The following SIGLEC6 variants were observed in gnomAD, a reference collection of about 807,000 sequenced individuals.
The protein encoded by SIGLEC6 is sialic acid-binding Ig-like lectin 6.
In SIGLEC6, 31 loss-of-function variants were observed where a neutral mutation model predicts 41.4. The ratio of observed to expected loss-of-function variants is 0.75; its 90% CI spans 0.56 to 1.01. The LOEUF is 1.01. Ranked by LOEUF, SIGLEC6 falls within the 50% of genes least tolerant of loss-of-function variation. SIGLEC6 has a pLI of 0.00. For missense variants in SIGLEC6, 555 were observed against 558.6 expected, an observed-to-expected ratio of 0.99 and a Z score of 0.06; for synonymous variants, 217 against 231.0, an observed-to-expected ratio of 0.94 and a Z score of 0.55.
intron 7 of SIGLEC6, among the ~76,000 whole-genome samples, chr19:51,525,845 T>G (rs951533282): frequency 6.6e-6 from 1 of 151,866 alleles, no homozygotes; most frequent in African/African-American, 2.4e-5. Context: ...GGGGTGGAGC[T>G]CTCAGAGCAG....
At chr19:51,523,635 G>C (rs541497243) in intron 7 of SIGLEC6, among the ~76,000 whole-genome samples, 272 of 152,256 alleles carry the variant, frequency 1.8e-3, no homozygotes, top group African/African-American at 6.1e-3. Flanking sequence ...GATGGAACTG[G>C]GTAAACCAAA....
chr19:51,519,951 A>C lies in SIGLEC6; in HGVS notation c.*131T>G. ...CTTGTTCTCAGACCTCTAACATCTG[A>C]AACTATACGAAAATAAAGTTCTGTG... On this transcript the variant is annotated 3_prime_UTR_variant, in exon 8 of 8. Coordinates refer to ENST00000425629, the MANE Select transcript of SIGLEC6 (RefSeq NM_001245.7). The C allele has an allele frequency of 1.2e-6, 1 of 806,012 alleles. No homozygotes were observed. Among genetic ancestry groups the C allele is most frequent in the Non-Finnish European group, 1.8e-6 (1 of 547,890 alleles). The allele number at this position is 806,012 out of a possible 1,614,324, so 49.9% of individuals were successfully genotyped here.
At chr19:51,523,256 G>A (rs75518097) in intron 7 of SIGLEC6, among the ~76,000 whole-genome samples, 14,253 of 152,124 alleles carry the variant, frequency 0.094, 866 homozygotes, top group African/African-American at 0.16. Context: ...ACTAAAAAAC[G>A]TAGCAATAAA....
chr19:51,524,994 G>A (rs149741507), intron 7 of SIGLEC6, among the ~76,000 whole-genome samples: 1 of 152,218 alleles, frequency 6.6e-6, no homozygotes, highest in Non-Finnish European at 1.5e-5. Flanking sequence ...GACATGGAGA[G>A]CTGTGCGGAG....
In SIGLEC6 at chr19:51,530,956, A is replaced by T; in HGVS notation, c.431T>A (p.Leu144Gln). 1 of 1,610,102 alleles carries T rather than the reference A, an allele frequency of 6.2e-7. No individual in the cohort carries two copies. The highest frequency in any genetic ancestry group is 8.5e-7 in the Non-Finnish European group (1 of 1,179,538). Residue 144 changes from leucine (L) to glutamine (Q), a missense_variant, in exon 3 of 8, where the codon CTG becomes CAG. Physicochemically the swap from Leu to Gln is moderately radical, Grantham distance 113 (BLOSUM62 -2). Coordinates refer to ENST00000425629, the MANE Select transcript of SIGLEC6 (RefSeq NM_001245.7). ...GATGGAGATGTTGGGCCTGTGGGTC[A>T]GGGCTGGTGAGGAGATGGGGACGCA... ...SSKLSVRVMA[L>Q]THRPNISIPG...
At chr19:51,521,434 A>G (rs1479986950) in intron 7 of SIGLEC6, among the ~76,000 whole-genome samples, 1 of 152,102 alleles carries the variant, frequency 6.6e-6, no homozygotes, top group Non-Finnish European at 1.5e-5. Flanking sequence ...GGCTACAGAA[A>G]TGAGATTTAT....
At chr19:51,524,189 AGATAT>A (rs765161219) in intron 7 of SIGLEC6, among the ~76,000 whole-genome samples, 16 of 152,256 alleles carry the variant, frequency 1.1e-4, no homozygotes, top group Non-Finnish European at 2.2e-4. Flanking sequence ...ATTAAAAGGA[AGATAT>A]TGGCAGACTT....
Position 51,517,956 on chromosome 19 carries a change from T to A in SIGLEC6, c.*2126A>T, listed in dbSNP as rs910610500. On this transcript the variant is annotated 3_prime_UTR_variant, in exon 8 of 8. Coordinates refer to ENST00000425629, the MANE Select transcript of SIGLEC6 (RefSeq NM_001245.7). ...AATATTGGTATTTCAATATTACATT[T>A]GATGTTTGACCCCTCTACAAACCAT... Among the ~76,000 whole-genome samples the A allele has an allele frequency of 6.6e-6, 1 of 152,196 alleles. No individual in the cohort carries two copies. Among genetic ancestry groups the A allele is most frequent in the African/African-American group, 2.4e-5 (1 of 41,456 alleles).
intron 7 of SIGLEC6, 128 bp from the exon 8 acceptor site, chr19:51,520,383 T>C: frequency 1.0e-5 from 5 of 494,742 alleles, no homozygotes; most frequent in Non-Finnish European, 1.6e-5. Flanking sequence ...TTTTATTTTA[T>C]TTCATTTTAT....
intron 6 of SIGLEC6, 140 bp downstream of exon 6, chr19:51,528,020 C>T (rs1979525095): frequency 1.1e-6 from 1 of 899,422 alleles, no homozygotes; most frequent in Non-Finnish European, 1.7e-6. Flanking sequence ...GGGTAATTCA[C>T]ACCACCACTA....
chr19:51,526,775 C>A (rs549048175), intron 7 of SIGLEC6, among the ~76,000 whole-genome samples: 1 of 152,222 alleles, frequency 6.6e-6, no homozygotes, highest in Admixed American at 6.5e-5. Flanking sequence ...AAAGTAGAAA[C>A]CCATTCCAGG....
At position 51,518,871 on chromosome 19, in the gene SIGLEC6, G is replaced by A. The variant is rs1385780789; in HGVS notation, c.*1211C>T. 3.3e-5 allele frequency among the ~76,000 whole-genome samples: 5 copies of A among 152,254 alleles called. No homozygotes were observed. In the East Asian group the frequency reaches 9.7e-4, roughly 29 times the overall value. The stretch of plus-strand genomic sequence containing the variant: ...GAGAGCCTTGAGCAGAAAGATGATG[G>A]ATGGAAACCTTATTTTGGGGAGTCG... On this transcript the variant is annotated 3_prime_UTR_variant, in exon 8 of 8. Transcript: ENST00000425629.
Position 51,530,447 on chromosome 19 carries a change from T to C in SIGLEC6, c.744A>G (p.Gly248=). The change falls in exon 4 of 8, where the codon GGA becomes GGG. Residue 248 remains glycine, a synonymous_variant. Transcript: ENST00000425629. ...CTGGCTGGTTCCTACCTGCGCTGTT[T>C]CCTTGGAAGATGCTGATGGCCACTT... ...PQKVAISIFQ[G]NSAAFKILQN... 2 of 1,614,126 alleles carry C rather than the reference T, an allele frequency of 1.2e-6. No homozygotes were observed. Among genetic ancestry groups the C allele is most frequent in the Non-Finnish European group, 1.7e-6 (2 of 1,179,980 alleles).
rs1031705474 is a variant in SIGLEC6, at chr19:51,518,956, C to G, written c.*1126G>C. ...TGGTGCTGTGGCCTCTGGGCCTACT[C>G]CTTTTCAGCCTTAGAAGAAATTGCC... On this transcript the variant is annotated 3_prime_UTR_variant, in exon 8 of 8. Transcript: ENST00000425629. 6.6e-6 allele frequency among the ~76,000 whole-genome samples: 1 copy of G among 152,104 alleles called. No individual in the cohort carries two copies. Among genetic ancestry groups the G allele is most frequent in the Non-Finnish European group, 1.5e-5 (1 of 68,010 alleles).
intron 5 of SIGLEC6, 71 bp from the exon 6 acceptor site, chr19:51,528,324 C>T: frequency 1.5e-6 from 2 of 1,323,134 alleles, no homozygotes; most frequent in Non-Finnish European, 2.2e-6. Context: ...TTCCTCTCCA[C>T]CTTCCACTAA....
rs561538549 is a variant in SIGLEC6 at position 51,526,229 on chromosome 19, G to T, written c.1188+1518C>A. On this transcript the variant is annotated intron_variant, in intron 7 of 7. Transcript: ENST00000425629. ...AAATGCCTGGGCTCACCACGGGGCT[G>T]TAGTGTGCAGCCTGAGTGCCAAGTC... Among the ~76,000 whole-genome samples the T allele has an allele frequency of 4.6e-5, 7 of 152,292 alleles. 1 individual carries two copies. The highest frequency in any genetic ancestry group is 1.4e-4 in the African/African-American group (6 of 41,554).
At chr19:51,521,623 G>C (rs1990944384) in intron 7 of SIGLEC6, among the ~76,000 whole-genome samples, 2 of 152,084 alleles carry the variant, frequency 1.3e-5, no homozygotes, top group African/African-American at 4.8e-5. Flanking sequence ...CTCTCCCTGG[G>C]CTTCCCCTGG....
At chr19:51,527,979 G>A in intron 6 of SIGLEC6, 151 bp from the exon 7 acceptor site, 1 of 926,778 alleles carries the variant, frequency 1.1e-6, no homozygotes, top group Non-Finnish European at 1.7e-6. Flanking sequence ...CGGTTTCAAA[G>A]AGACCCCTTG....
chr19:51,529,962 GT>G lies in SIGLEC6; in HGVS notation c.773del (p.Asn258ThrfsTer27), dbSNP rs768865076. ...CCTCCAGGACAGGGAGGGACGAGGT[GT>G]TTTGCAGGATTTTGAAGGCTTTGGG... Reference protein sequence around the residue: ...GNSAAFKILQNTSSLPVLEGQ... With the variant: ...GNSAAFKILQXTSSLPVLEGQ... On this transcript the variant is annotated frameshift_variant, in exon 5 of 8. Coordinates refer to ENST00000425629, the MANE Select transcript of SIGLEC6 (RefSeq NM_001245.7). LOFTEE classifies it high-confidence loss of function. The G allele has an allele frequency of 1.6e-5, 25 of 1,598,498 alleles. No homozygotes were observed. Among genetic ancestry groups the G allele is most frequent in the Non-Finnish European group, 2.1e-5 (25 of 1,171,342 alleles).
Sources: allele counts gnomAD v4.1 joint callset (sites outside exome capture counted in the v4.1 genomes callset), GRCh38; gene constraint gnomAD v4.1.1; transcripts MANE v1.5; gene names NCBI Gene and HGNC (gene_info 2026-07-23, HGNC 2026-07-21).